Variants in BMPER observed in about 807,000 individuals in gnomAD.
BMPER encodes the protein BMP-binding endothelial regulator protein.
Under a neutral mutation model 87.3 loss-of-function variants are expected in BMPER, and 45 were observed. That is an observed-to-expected ratio of 0.52 (90% CI 0.41 to 0.66). The LOEUF (loss-of-function observed/expected upper bound fraction) is 0.66, where lower values mean the gene tolerates loss of function less well. Ranked by LOEUF, BMPER falls within the 30% of genes least tolerant of loss-of-function variation. The pLI is 0.00. For synonymous variants in BMPER, 326 were observed against 316.2 expected, an observed-to-expected ratio of 1.03 and a Z score of -0.33; for missense variants, 784 against 867.5, an observed-to-expected ratio of 0.90 and a Z score of 1.21.
At chr7:33,982,041 A>G (rs1383342759) in intron 6 of BMPER, among the ~76,000 whole-genome samples, 3 of 152,178 alleles carry the variant, frequency 2.0e-5, no homozygotes, top group Admixed American at 6.5e-5. Context: ...TCTGAAAAAT[A>G]CAGGAGACAT....
intron 11 of BMPER, among the ~76,000 whole-genome samples, chr7:34,064,049 G>A (rs937368116): frequency 6.6e-6 from 1 of 152,218 alleles, no homozygotes; most frequent in Non-Finnish European, 1.5e-5. Context: ...GCCTGTAATC[G>A]GGAGGCCGAG....
chr7:33,966,470 C>G lies in BMPER; in HGVS notation c.320-9C>G. 1.2e-6 allele frequency: 2 copies of G among 1,612,624 alleles called. No homozygotes were observed. Among genetic ancestry groups the G allele is most frequent in the Non-Finnish European group, 1.7e-6 (2 of 1,178,722 alleles). ...GGCCTTTCTTCCTGCTTCTGTGTCT[C>G]CTGTCTAGGTTGCACCTATGAAGGA... On this transcript the variant is annotated splice_polypyrimidine_tract_variant and intron_variant, in intron 3 of 14. Coordinates refer to ENST00000649409, the MANE Select transcript of BMPER (RefSeq NM_001365308.1).
At chr7:33,905,419 G>GCCCCCCCCCCCCCCCCCCCCCCCCCC, upstream of BMPER, 7 of 110,388 alleles carry the variant, frequency 6.3e-5, no homozygotes, top group South Asian at 1.8e-4. Flanking sequence ...CTCCCCGGGC[G>GCCCCCCCCCCCCCCCCCCCCCCCCCC]CCCCCACACC....
chr7:34,112,185 C>T (rs1562751253), intron 13 of BMPER, among the ~76,000 whole-genome samples: 1 of 151,914 alleles, frequency 6.6e-6, no homozygotes. Context: ...ATGAATGCTA[C>T]AGGAAATTAG....
chr7:34,043,461 C>T (rs1787882704), intron 6 of BMPER, among the ~76,000 whole-genome samples: 1 of 152,168 alleles, frequency 6.6e-6, no homozygotes, highest in Non-Finnish European at 1.5e-5. Flanking sequence ...GTCATATGGG[C>T]ACATCTCACT....
At chr7:34,024,551 T>C (rs1562695381) in intron 6 of BMPER, among the ~76,000 whole-genome samples, 1 of 149,712 alleles carries the variant, frequency 6.7e-6, no homozygotes, top group Non-Finnish European at 1.5e-5. Context: ...TCCTCATAGG[T>C]GACCAATTCC....
At chr7:34,002,729 C>G (rs1234656915) in intron 6 of BMPER, among the ~76,000 whole-genome samples, 1 of 151,678 alleles carries the variant, frequency 6.6e-6, no homozygotes, top group African/African-American at 2.4e-5. Flanking sequence ...ATTGTTATGT[C>G]TTCCTGATGG....
chr7:34,111,538 T>G (rs935751475), intron 13 of BMPER, among the ~76,000 whole-genome samples: 2 of 152,160 alleles, frequency 1.3e-5, no homozygotes, highest in African/African-American at 2.4e-5. Flanking sequence ...AAATCTGGAT[T>G]CAAGACTTTG....
intron 11 of BMPER, among the ~76,000 whole-genome samples, chr7:34,077,973 G>C (rs529569635): frequency 6.6e-6 from 1 of 151,594 alleles, no homozygotes; most frequent in South Asian, 2.1e-4. Context: ...TTTCCTGGTT[G>C]TTTCATGCCT....
intron 4 of BMPER, 95 bp downstream of exon 4, chr7:33,966,656 G>A (rs1785414727): frequency 2.5e-6 from 3 of 1,211,404 alleles, no homozygotes; most frequent in South Asian, 2.5e-5. Context: ...CCCTAAAAAG[G>A]CCAAACAGAA....
At position 33,937,358 on chromosome 7, in the gene BMPER, C is replaced by T; in HGVS notation, c.289C>T (p.Gln97Ter). The change falls in exon 3 of 15, where the codon CAG becomes TAG. Residue 97 changes from glutamine (Q) to a stop codon, truncating the protein, a stop_gained. Transcript: ENST00000649409. LOFTEE classifies it high-confidence loss of function. ...CCGAGACTGTGCCCTGGCCATCAAG[C>T]AGAGGGGAGCCTGTTGTGAACAGTG... Reference protein sequence around the residue: ...LSRDCALAIKQRGACCEQCKG... With the variant: ...LSRDCALAIK 6.2e-7 allele frequency: 1 copy of T among 1,614,182 alleles called. No homozygotes were observed. The highest frequency in any genetic ancestry group is 8.5e-7 in the Non-Finnish European group (1 of 1,180,020).
intron 6 of BMPER, among the ~76,000 whole-genome samples, chr7:34,029,783 A>G (rs1229761969): frequency 6.6e-6 from 1 of 152,116 alleles, no homozygotes; most frequent in Non-Finnish European, 1.5e-5. Context: ...ATTCCTCAGG[A>G]TAGCCTACAA....
chr7:34,050,907 C>T (rs904977383), intron 7 of BMPER, among the ~76,000 whole-genome samples: 3 of 152,140 alleles, frequency 2.0e-5, no homozygotes, highest in Admixed American at 6.6e-5. Flanking sequence ...TCTGCGTGCC[C>T]TTTGAGTTAG....
intron 3 of BMPER, among the ~76,000 whole-genome samples, chr7:33,949,341 C>T (rs1404956846): frequency 6.6e-6 from 1 of 152,186 alleles, no homozygotes; most frequent in Non-Finnish European, 1.5e-5. Context: ...CCCTCCCACT[C>T]TTAACCCCAG....
chr7:33,916,160 T>C (rs997024688), intron 2 of BMPER, among the ~76,000 whole-genome samples: 2 of 152,204 alleles, frequency 1.3e-5, no homozygotes, highest in Non-Finnish European at 2.9e-5. Flanking sequence ...GGGTAGACAA[T>C]GGAAGGTCAG....
chr7:34,047,862 CT>C (rs1788030879), intron 7 of BMPER, among the ~76,000 whole-genome samples: 1 of 136,984 alleles, frequency 7.3e-6, no homozygotes, highest in Non-Finnish European at 1.6e-5. Flanking sequence ...TCATTTTGTC[CT>C]TTTAGAGGCA....
rs1398800208 is a variant in BMPER at position 34,101,344 on chromosome 7, C to T, written c.1745+15252C>T. Among the ~76,000 whole-genome samples the T allele has an allele frequency of 3.9e-5, 6 of 152,194 alleles. No individual in the cohort carries two copies. In the East Asian group the frequency reaches 5.8e-4, roughly 15 times the overall value. ...CAAAGGCACACCAGTCTCAGGTGTA[C>T]GGCACCCCTCATTTCTGCAAAAGGC... On this transcript the variant is annotated intron_variant, in intron 13 of 14. Coordinates refer to ENST00000649409, the MANE Select transcript of BMPER (RefSeq NM_001365308.1).
Position 33,948,085 on chromosome 7 carries a change from T to C in BMPER, c.319+10697T>C, listed in dbSNP as rs970112117. Among the ~76,000 whole-genome samples the C allele has an allele frequency of 3.9e-5, 6 of 152,316 alleles. 1 individual carries two copies. The highest frequency in any genetic ancestry group is 3.9e-4 in the Admixed American group (6 of 15,298). On this transcript the variant is annotated intron_variant, in intron 3 of 14. Transcript: ENST00000649409. ...TAGTTTGGCAATCATTACCATGCAT[T>C]GTCTGCTGCCCAAACAAAAGCGTGG... is the stretch of plus-strand genomic sequence containing the variant.
intron 3 of BMPER, chr7:33,937,648 A>G (rs1314091648): frequency 6.2e-6 from 3 of 484,998 alleles, no homozygotes; most frequent in Non-Finnish European, 1.1e-5. Flanking sequence ...TTTCTAAGGC[A>G]GGTTGTTAAA....
Sources: allele counts gnomAD v4.1 joint callset (sites outside exome capture counted in the v4.1 genomes callset), GRCh38; gene constraint gnomAD v4.1.1; transcripts MANE v1.5; gene names NCBI Gene and HGNC (gene_info 2026-07-23, HGNC 2026-07-21).